The following CDH12 variants were observed in gnomAD, a reference collection of about 807,000 sequenced individuals.
CDH12 encodes cadherin 12.
Under a neutral mutation model 74.1 loss-of-function variants are expected in CDH12, and 41 were observed. The ratio of observed to expected loss-of-function variants is 0.55; its 90% CI spans 0.43 to 0.72. CDH12 has a LOEUF of 0.72. Ranked by LOEUF, CDH12 falls within the 30% of genes least tolerant of loss-of-function variation. The pLI is 0.00. For missense variants in CDH12, 945 were observed against 977.2 expected (o/e 0.97, Z 0.44); for synonymous variants, 399 against 355.0 (o/e 1.12, Z -1.39).
intron 1 of CDH12, among the ~76,000 whole-genome samples, chr5:22,828,222 T>G (rs2126493008): frequency 6.6e-6 from 1 of 152,230 alleles, no homozygotes; most frequent in South Asian, 2.1e-4. Context: ...TATGGTTCAG[T>G]GAATCTGAGA....
chr5:22,782,849 C>T (rs1204200543), intron 1 of CDH12, among the ~76,000 whole-genome samples: 1 of 152,154 alleles, frequency 6.6e-6, no homozygotes, highest in Admixed American at 6.6e-5. Flanking sequence ...GTCAAGTCTT[C>T]ACAATGAAAC....
intron 1 of CDH12, among the ~76,000 whole-genome samples, chr5:22,836,200 TTTTTC>T (rs200252330): frequency 4.3e-4 from 34 of 78,318 alleles, no homozygotes; most frequent in East Asian, 1.1e-3. Flanking sequence ...CTGGTGCTTT[TTTTTC>T]TTTTTTTCTT....
chr5:22,011,900 C>A (rs1737318163), intron 5 of CDH12, among the ~76,000 whole-genome samples: 2 of 151,874 alleles, frequency 1.3e-5, no homozygotes, highest in Admixed American at 1.3e-4. Flanking sequence ...ATGAAGAAAA[C>A]TAGGGATTGG....
At chr5:22,240,299 C>G (rs1320454409) in intron 3 of CDH12, among the ~76,000 whole-genome samples, 1 of 152,090 alleles carries the variant, frequency 6.6e-6, no homozygotes, top group Non-Finnish European at 1.5e-5. Flanking sequence ...TTTCATATCA[C>G]AAAGTGAACA....
chr5:21,811,176 C>A (rs1747726048), intron 9 of CDH12, among the ~76,000 whole-genome samples: 1 of 151,932 alleles, frequency 6.6e-6, no homozygotes, highest in Non-Finnish European at 1.5e-5. Flanking sequence ...AAATGGTAAG[C>A]ACTGTCTCTA....
chr5:22,020,496 G>C (rs1021957042), intron 5 of CDH12, among the ~76,000 whole-genome samples: 1 of 151,406 alleles, frequency 6.6e-6, no homozygotes, highest in African/African-American at 2.4e-5. Flanking sequence ...GGGGGTTGCA[G>C]TGAGCTGAGA....
intron 2 of CDH12, among the ~76,000 whole-genome samples, chr5:22,451,286 T>C (rs1176813462): frequency 6.6e-6 from 1 of 151,866 alleles, no homozygotes; most frequent in Non-Finnish European, 1.5e-5. Context: ...AAATTTTAAG[T>C]TCTATCTAAT....
Position 22,698,445 on chromosome 5 carries a change from A to G in CDH12, c.-523+154613T>C, listed in dbSNP as rs1337479372. 2.0e-5 allele frequency among the ~76,000 whole-genome samples: 3 copies of G among 151,284 alleles called. No individual in the cohort carries two copies. In the South Asian group the frequency reaches 6.3e-4, roughly 32 times the overall value. ...CAAAGGCCAGCTTTTTACTAGGAAAACAAAGCTCTACTGATTTATAGAATC... is the reference window on the plus strand; with the variant it reads ...CAAAGGCCAGCTTTTTACTAGGAAAGCAAAGCTCTACTGATTTATAGAATC... On this transcript the variant is annotated intron_variant, in intron 1 of 14. Transcript: ENST00000382254.
intron 1 of CDH12, among the ~76,000 whole-genome samples, chr5:22,662,961 A>T (rs1333329128): frequency 6.6e-6 from 1 of 152,206 alleles, no homozygotes; most frequent in East Asian, 1.9e-4. Context: ...AAATTTTACC[A>T]ATTATAGATC....
chr5:22,720,520 T>C (rs1343058881), intron 1 of CDH12, among the ~76,000 whole-genome samples: 1 of 152,080 alleles, frequency 6.6e-6, no homozygotes, highest in Non-Finnish European at 1.5e-5. Context: ...GGCACTGCTA[T>C]AAAGATAACC....
chr5:22,044,427 G>GGA (rs1414204511), intron 5 of CDH12, among the ~76,000 whole-genome samples: 2 of 152,080 alleles, frequency 1.3e-5, no homozygotes, highest in Non-Finnish European at 2.9e-5. Context: ...CATGGTGGCA[G>GGA]GAGAGAGAGA....
Position 22,179,454 on chromosome 5 carries a change from T to G in CDH12, c.-187+33044A>C, listed in dbSNP as rs189424617. ...TTAAATTTAAGTTTAAACTATGATATTTTGCTCATTATCGTAAAGTTGGAA... is the reference window on the plus strand; with the variant it reads ...TTAAATTTAAGTTTAAACTATGATAGTTTGCTCATTATCGTAAAGTTGGAA... On this transcript the variant is annotated intron_variant, in intron 4 of 14. Coordinates refer to ENST00000382254, the MANE Select transcript of CDH12 (RefSeq NM_004061.5). 2.5e-3 allele frequency among the ~76,000 whole-genome samples: 382 copies of G among 152,288 alleles called. 3 individuals are homozygous for G. Among genetic ancestry groups the G allele is most frequent in the African/African-American group, 9.1e-3 (378 of 41,574 alleles).
rs569333139 is a variant in CDH12, at chr5:22,840,338, G to A, written c.-523+12720C>T. Among the ~76,000 whole-genome samples the A allele has an allele frequency of 1.7e-3, 262 of 152,030 alleles. 1 individual carries two copies. The highest frequency in any genetic ancestry group is 6.1e-3 in the African/African-American group (255 of 41,504). On this transcript the variant is annotated intron_variant, in intron 1 of 14. Transcript: ENST00000382254. The stretch of plus-strand genomic sequence containing the variant: ...GGGGTTTCACTGTGTTGGCCAGGAT[G>A]GTCTCGATCTCCTGACCTTGTAATC...
At chr5:22,774,964 T>A (rs1410727563) in intron 1 of CDH12, among the ~76,000 whole-genome samples, 1 of 152,002 alleles carries the variant, frequency 6.6e-6, no homozygotes, top group Non-Finnish European at 1.5e-5. Flanking sequence ...AACCTGCATA[T>A]GTACCTCCTG....
intron 1 of CDH12, among the ~76,000 whole-genome samples, chr5:22,624,491 T>G (rs1341590088): frequency 6.6e-6 from 1 of 152,182 alleles, no homozygotes; most frequent in Non-Finnish European, 1.5e-5. Flanking sequence ...CATCAAAATG[T>G]GGATGAAGGA....
chr5:22,652,748 T>G (rs973174033), intron 1 of CDH12, among the ~76,000 whole-genome samples: 1 of 152,294 alleles, frequency 6.6e-6, no homozygotes, highest in Non-Finnish European at 1.5e-5. Context: ...CAAGTGTATG[T>G]GTTTGCAAGA....
intron 5 of CDH12, among the ~76,000 whole-genome samples, chr5:22,073,718 C>A (rs1354404227): frequency 6.6e-6 from 1 of 152,064 alleles, no homozygotes; most frequent in African/African-American, 2.4e-5. Flanking sequence ...CAAGTAATAG[C>A]ACAGTTTGTG....
At chr5:22,367,401 T>C (rs995855741) in intron 3 of CDH12, among the ~76,000 whole-genome samples, 1 of 152,232 alleles carries the variant, frequency 6.6e-6, no homozygotes, top group South Asian at 2.1e-4. Context: ...CTGTCTAGAA[T>C]GTTATATAAT....
rs762618741 is a variant in CDH12 at position 22,038,286 on chromosome 5, AC to A, written c.231+40159del. 2.0e-5 allele frequency among the ~76,000 whole-genome samples: 3 copies of A among 151,944 alleles called. No homozygotes were observed. The East Asian group carries it at 5.8e-4, about 29-fold the overall frequency. ...AAGCTAAGCTGTGATGTGGCAATAG[AC>A]CCTACCCTGTGGGGCCAAGCATCCC... is the stretch of plus-strand genomic sequence containing the variant. On this transcript the variant is annotated intron_variant, in intron 5 of 14. Transcript: ENST00000382254.
Sources: gnomAD v4.1 joint callset for allele counts (sites outside exome capture counted in the v4.1 genomes callset) on GRCh38, gnomAD v4.1.1 for gene constraint, MANE v1.5 for transcripts, NCBI Gene and HGNC (gene_info 2026-07-23, HGNC 2026-07-21) for gene names.